Variants in BBX observed in about 807,000 individuals in gnomAD.
BBX encodes HMG box transcription factor BBX.
A neutral mutation model predicts 100.2 loss-of-function variants in BBX; 30 were observed. The ratio of observed to expected loss-of-function variants is 0.30; its 90% CI spans 0.22 to 0.41. The LOEUF (loss-of-function observed/expected upper bound fraction) is 0.41. BBX is among the 10% of genes least tolerant of loss of function. The pLI is 1.00. For synonymous variants in BBX, 376 were observed against 388.1 expected (o/e 0.97, Z 0.37); for missense variants, 1,023 against 1,129.8 (o/e 0.91, Z 1.35).
At chr3:107,537,332 C>T (rs923322630) in intron 2 of BBX, among the ~76,000 whole-genome samples, 2 of 152,078 alleles carry the variant, frequency 1.3e-5, no homozygotes, top group African/African-American at 2.4e-5. Flanking sequence ...ATGTTAAAAG[C>T]GCACTTAATA....
chr3:107,627,221 G>A (rs1322369337), intron 2 of BBX, among the ~76,000 whole-genome samples: 1 of 152,186 alleles, frequency 6.6e-6, no homozygotes, highest in African/African-American at 2.4e-5. Flanking sequence ...TTCCAGTGAA[G>A]GCTTCTAGAA....
At chr3:107,674,984 C>T (rs1293167648) in intron 3 of BBX, 1 of 152,186 alleles carries the variant, frequency 6.6e-6, no homozygotes, top group Non-Finnish European at 1.5e-5. Flanking sequence ...AGGCATGCTC[C>T]TGCTTACAGA....
intron 2 of BBX, among the ~76,000 whole-genome samples, chr3:107,619,939 G>A (rs1398015894): frequency 1.3e-5 from 2 of 152,112 alleles, no homozygotes; most frequent in Non-Finnish European, 2.9e-5. Context: ...CTTTGCCACA[G>A]TTGGGAAGTT....
chr3:107,584,549 A>T (rs898783008), intron 2 of BBX, among the ~76,000 whole-genome samples: 5 of 151,308 alleles, frequency 3.3e-5, no homozygotes, highest in Admixed American at 6.6e-5. Context: ...TTTAATTCAG[A>T]TTGTCATAAA....
intron 3 of BBX, among the ~76,000 whole-genome samples, chr3:107,687,991 G>C (rs1024075952): frequency 6.6e-6 from 1 of 152,056 alleles, no homozygotes; most frequent in Non-Finnish European, 1.5e-5. Flanking sequence ...GGAGGCGGAG[G>C]TTGCAGTGAG....
rs1471014779 is a variant in BBX at position 107,728,825 on chromosome 3, C to A, written c.466C>A (p.Pro156Thr). ...GYKWCPTTNK[P>T]VKSPTPTVNP... ...CAAATGGTGTCCTACCACAAACAAG[C>A]CTGTGAAATCCCCAACACCCACTGT... Residue 156 changes from proline (P) to threonine (T), a missense_variant, in exon 6 of 18, where the codon CCT becomes ACT. Around this residue, in one of 9 missense-constraint regions of BBX, gnomAD observed 229 missense variants for 226.3 expected, o/e 1.01. Transcript: ENST00000325805. The A allele has an allele frequency of 6.8e-6, 11 of 1,613,852 alleles. No homozygotes were observed. Among genetic ancestry groups the A allele is most frequent in the Non-Finnish European group, 9.3e-6 (11 of 1,179,824 alleles).
At chr3:107,746,553 T>C (rs2064615637) in intron 8 of BBX, among the ~76,000 whole-genome samples, 1 of 152,166 alleles carries the variant, frequency 6.6e-6, no homozygotes, top group Non-Finnish European at 1.5e-5. Flanking sequence ...AAAAGCACAG[T>C]AGAATGAAAT....
At chr3:107,526,275 T>C (rs563624189) in intron 1 of BBX, 52 bp from the exon 2 acceptor site, 5 of 398,654 alleles carry the variant, frequency 1.3e-5, no homozygotes, top group African/African-American at 2.1e-5. Flanking sequence ...GGGACTGTAC[T>C]ATTGTAAAGC....
intron 4 of BBX, among the ~76,000 whole-genome samples, chr3:107,712,715 CA>C (rs2061806338): frequency 6.6e-6 from 1 of 152,160 alleles, no homozygotes; most frequent in Admixed American, 6.5e-5. Flanking sequence ...CCATTCTCAA[CA>C]AAGCAGCCAG....
At chr3:107,612,673 G>A (rs1018821099) in intron 2 of BBX, among the ~76,000 whole-genome samples, 2 of 152,182 alleles carry the variant, frequency 1.3e-5, no homozygotes, top group African/African-American at 2.4e-5. Context: ...CAACACCACC[G>A]GAACTGTTCT....
chr3:107,568,759 A>G (rs1173246424), intron 2 of BBX, among the ~76,000 whole-genome samples: 3 of 152,136 alleles, frequency 2.0e-5, no homozygotes, highest in Admixed American at 6.5e-5. Flanking sequence ...CTTCAACGAT[A>G]TTCTTTCAGT....
rs566468656 is a variant in BBX at position 107,678,455 on chromosome 3, C to G, written c.-9-31997C>G. ...TTATTATGGGCCTAGCATGGTGGCT[C>G]AAGCCTATAATCCCAGCACTTTGGG... On this transcript the variant is annotated intron_variant, in intron 3 of 17. Transcript: ENST00000325805. Among the ~76,000 whole-genome samples, 80 of 152,208 alleles carry G rather than the reference C, an allele frequency of 5.3e-4. 2 individuals carry two copies. The South Asian group carries it at 9.1e-3, about 17-fold the overall frequency.
At chr3:107,667,518 G>A (rs1278173498) in intron 3 of BBX, among the ~76,000 whole-genome samples, 1 of 151,588 alleles carries the variant, frequency 6.6e-6, no homozygotes, top group African/African-American at 2.4e-5. Context: ...CCATCCTTAA[G>A]TACAGTAGAA....
intron 7 of BBX, among the ~76,000 whole-genome samples, chr3:107,740,934 A>G (rs1364997339): frequency 6.7e-6 from 1 of 149,268 alleles, no homozygotes; most frequent in Non-Finnish European, 1.5e-5. Flanking sequence ...GCTTAGGCAC[A>G]TTTCCTTTGG....
At position 107,710,433 on chromosome 3, in the gene BBX, C is replaced by G. The variant is rs1192049808; in HGVS notation, c.-9-19C>G. The stretch of plus-strand genomic sequence containing the variant: ...TCTCTCCCTGTTTCCCTGTTTCTCT[C>G]TCTCTCTTCCTATTACAGGTCACAG... On this transcript the variant is annotated intron_variant, in intron 3 of 17. Coordinates refer to ENST00000325805, the MANE Select transcript of BBX (RefSeq NM_001142568.3). The G allele has an allele frequency of 7.7e-6, 12 of 1,564,748 alleles. No homozygotes were observed. Among genetic ancestry groups the G allele is most frequent in the Non-Finnish European group, 1.0e-5 (12 of 1,152,216 alleles).
intron 5 of BBX, among the ~76,000 whole-genome samples, chr3:107,727,850 G>T (rs112560138): frequency 6.6e-6 from 1 of 152,242 alleles, no homozygotes; most frequent in African/African-American, 2.4e-5. Context: ...TTATGGGATT[G>T]AATGAATATT....
intron 3 of BBX, among the ~76,000 whole-genome samples, chr3:107,652,981 T>C (rs1203215717): frequency 1.3e-5 from 2 of 152,210 alleles, no homozygotes; most frequent in African/African-American, 2.4e-5. Context: ...AGAAATAGCA[T>C]CTGGTACATA....
intron 6 of BBX, among the ~76,000 whole-genome samples, chr3:107,730,812 A>C (rs921371837): frequency 1.7e-4 from 26 of 152,228 alleles, no homozygotes; most frequent in African/African-American, 6.0e-4. Context: ...ATAGTGGATA[A>C]CATTGATCTG....
intron 2 of BBX, among the ~76,000 whole-genome samples, chr3:107,571,875 T>A (rs1232916535): frequency 1.3e-5 from 2 of 152,238 alleles, no homozygotes; most frequent in Non-Finnish European, 2.9e-5. Flanking sequence ...CATGTGTATA[T>A]GTGTGTATGT....
Sources: gnomAD v4.1 joint callset for allele counts (sites outside exome capture counted in the v4.1 genomes callset) on GRCh38, gnomAD v4.1.1 for gene constraint, gnomAD v4.1.1 regional missense constraint, MANE v1.5 for transcripts, NCBI Gene and HGNC (gene_info 2026-07-23, HGNC 2026-07-21) for gene names.